THADA: variants seen among roughly 807,000 people sequenced by gnomAD.
THADA encodes the protein THADA armadillo repeat containing.
In THADA, 213 loss-of-function variants were observed where a neutral mutation model predicts 219.8. The observed-to-expected ratio is 0.97, with a 90% CI of 0.87 to 1.09. THADA has a LOEUF of 1.09. Among genes scored for constraint, THADA ranks in the 50% least tolerant of loss-of-function variants. THADA has a pLI of 0.00. For synonymous variants in THADA, 1,018 were observed against 828.9 expected, an observed-to-expected ratio of 1.23 and a Z score of -3.92; for missense variants, 2,956 against 2,311.3, an observed-to-expected ratio of 1.28 and a Z score of -5.72.
chr2:43,357,128 T>C (rs916837624), intron 29 of THADA, among the ~76,000 whole-genome samples: 6 of 152,352 alleles, frequency 3.9e-5, no homozygotes, highest in Middle Eastern at 3.4e-3. Context: ...TGCAAGTATT[T>C]AGCAAAGAAC....
In THADA at chr2:43,362,157, G is replaced by A. The variant is rs147024383; in HGVS notation, c.4228-17920C>T. On this transcript the variant is annotated intron_variant, in intron 29 of 37. Coordinates refer to ENST00000405975, the MANE Select transcript of THADA (RefSeq NM_022065.5). ...GTCATTTCCTGGGTGAATCTGGCCA[G>A]TTTGCTTTTACCTTATTCAAAGGAA... 5.5e-3 allele frequency among the ~76,000 whole-genome samples: 844 copies of A among 152,306 alleles called. 1 individual carries two copies. The highest frequency in any genetic ancestry group is 8.0e-3 in the Non-Finnish European group (543 of 68,028).
chr2:43,388,401 A>G (rs1424478231), intron 29 of THADA, among the ~76,000 whole-genome samples: 1 of 152,214 alleles, frequency 6.6e-6, no homozygotes, highest in East Asian at 1.9e-4. Flanking sequence ...CAGGGGATGG[A>G]AAGCATATCT....
At chr2:43,408,612 T>C (rs1675893429) in intron 28 of THADA, among the ~76,000 whole-genome samples, 2 of 152,198 alleles carry the variant, frequency 1.3e-5, no homozygotes, top group South Asian at 4.1e-4. Context: ...TTTTAAGACA[T>C]CCTCAAATTA....
intron 16 of THADA, among the ~76,000 whole-genome samples, chr2:43,558,204 T>G (rs1697621489): frequency 6.6e-6 from 1 of 152,204 alleles, no homozygotes. Flanking sequence ...GTGAGTAGGA[T>G]AGTCAAGCTA....
chr2:43,462,188 G>A (rs575724589), intron 26 of THADA, among the ~76,000 whole-genome samples: 1 of 152,194 alleles, frequency 6.6e-6, no homozygotes, highest in South Asian at 2.1e-4. Context: ...AAATGTTAGA[G>A]CAACAAAGGA....
At chr2:43,406,585 C>A (rs6718648) in intron 28 of THADA, among the ~76,000 whole-genome samples, 38,673 of 152,060 alleles carry the variant, frequency 0.25, 5,099 homozygotes, top group South Asian at 0.33. Flanking sequence ...ATAATTCTTT[C>A]CTGACTCTGG....
intron 26 of THADA, among the ~76,000 whole-genome samples, chr2:43,450,766 T>A (rs1049725351): frequency 6.6e-6 from 1 of 152,104 alleles, no homozygotes; most frequent in African/African-American, 2.4e-5. Context: ...ACAAATAGAT[T>A]AAAAGTAAAA....
chr2:43,430,285 A>G lies in THADA; in HGVS notation c.3854T>C (p.Phe1285Ser). Residue 1285 changes from phenylalanine to serine, a missense_variant, in exon 27 of 38, where the codon TTT becomes TCT. Physicochemically the swap from Phe to Ser is radical, Grantham distance 155. Transcript: ENST00000405975. Reference sequence around the variant, plus strand: ...ATAGAGTTCTGGGAAACGAGAGAAAAACTCTCTCCCTGTCATTCTGTGAAA... The same window carrying G: ...ATAGAGTTCTGGGAAACGAGAGAAAGACTCTCTCCCTGTCATTCTGTGAAA... ...SKTNRMTGRE[F>S]FSRFPELYPF... 1.3e-6 allele frequency: 2 copies of G among 1,547,756 alleles called. No homozygotes were observed.
At chr2:43,413,927 GATGCTCACGTCCCTTATGTAAAGT>G (rs762575310) in intron 28 of THADA, among the ~76,000 whole-genome samples, 22 of 152,206 alleles carry the variant, frequency 1.4e-4, no homozygotes, top group Non-Finnish European at 2.9e-4. Flanking sequence ...GGACCCGTGA[GATGCTCACGTCCCTTATGTAAAGT>G]ATGCACAGTA....
chr2:43,535,776 T>G (rs1317223427), intron 21 of THADA, among the ~76,000 whole-genome samples: 1 of 151,958 alleles, frequency 6.6e-6, no homozygotes, highest in Non-Finnish European at 1.5e-5. Context: ...CTTTACCATT[T>G]ATTGTTTTGA....
intron 36 of THADA, among the ~76,000 whole-genome samples, chr2:43,264,806 C>T (rs1183134197): frequency 2.6e-5 from 4 of 152,156 alleles, no homozygotes; most frequent in African/African-American, 4.8e-5. Flanking sequence ...AAGGTCAGCG[C>T]TTTGGAAGAT....
intron 29 of THADA, among the ~76,000 whole-genome samples, chr2:43,358,553 A>T (rs1669132556): frequency 6.6e-6 from 1 of 152,238 alleles, no homozygotes; most frequent in South Asian, 2.1e-4. Context: ...TGAGGCCAAA[A>T]GAAATGTAAA....
intron 26 of THADA, among the ~76,000 whole-genome samples, chr2:43,441,073 T>A (rs141610531): frequency 1.3e-5 from 2 of 152,350 alleles, no homozygotes; most frequent in Non-Finnish European, 2.9e-5. Flanking sequence ...TTTGACTACA[T>A]CTTTTCAAAA....
At position 43,474,555 on chromosome 2, in the gene THADA, C is replaced by G. The variant is rs184161430; in HGVS notation, c.3836+10679G>C. On this transcript the variant is annotated intron_variant, in intron 26 of 37. Coordinates refer to ENST00000405975, the MANE Select transcript of THADA (RefSeq NM_022065.5). ...TCCTTGAACCTTGCAAACGTCTGTG[C>G]TGAATGAATGATGAAGAAAAAAAAT... is the stretch of plus-strand genomic sequence containing the variant. 4.6e-5 allele frequency among the ~76,000 whole-genome samples: 7 copies of G among 152,174 alleles called. No homozygotes were observed. The East Asian group carries it at 1.2e-3, about 25-fold the overall frequency.
chr2:43,520,713 T>TATATATACACACACACACACACACAC (rs1218079783), intron 22 of THADA, among the ~76,000 whole-genome samples: 6 of 125,046 alleles, frequency 4.8e-5, no homozygotes, highest in African/African-American at 1.8e-4. Context: ...TATATATATA[T>TATATATACACACACACACACACACAC]ACACACACAC....
At chr2:43,265,381 G>A (rs1053866533) in intron 36 of THADA, among the ~76,000 whole-genome samples, 2 of 152,224 alleles carry the variant, frequency 1.3e-5, no homozygotes, top group African/African-American at 4.8e-5. Context: ...CAATCACTCT[G>A]CTGATTAGAG....
chr2:43,325,072 A>C (rs543278639), intron 30 of THADA, among the ~76,000 whole-genome samples: 231 of 152,210 alleles, frequency 1.5e-3, no homozygotes, highest in Non-Finnish European at 2.7e-3. Flanking sequence ...TTAAATATCC[A>C]CTTAAGAACT....
intron 25 of THADA, among the ~76,000 whole-genome samples, chr2:43,489,452 T>C (rs1331347295): frequency 6.6e-6 from 1 of 152,186 alleles, no homozygotes; most frequent in East Asian, 1.9e-4. Context: ...TCTAACTAAA[T>C]GTTATCTAAT....
chr2:43,388,877 T>A (rs1490982984), intron 29 of THADA, among the ~76,000 whole-genome samples: 1 of 152,136 alleles, frequency 6.6e-6, no homozygotes, highest in Non-Finnish European at 1.5e-5. Flanking sequence ...CATTTTTCTT[T>A]AGCTCAAGGT....
Sources: allele counts gnomAD v4.1 joint callset (sites outside exome capture counted in the v4.1 genomes callset), GRCh38; gene constraint gnomAD v4.1.1; transcripts MANE v1.5; gene names NCBI Gene and HGNC (gene_info 2026-07-23, HGNC 2026-07-21).